ASAP1: variants seen among roughly 807,000 people sequenced by gnomAD.
ASAP1 encodes ArfGAP with SH3 domain, ankyrin repeat and PH domain 1.
A neutral mutation model predicts 145.2 loss-of-function variants in ASAP1; 43 were observed. The observed-to-expected ratio is 0.30, with a 90% confidence interval of 0.23 to 0.38. The LOEUF (loss-of-function observed/expected upper bound fraction) is 0.38. Ranked by LOEUF, ASAP1 falls within the 10% of genes least tolerant of loss-of-function variation. The pLI is 1.00. For missense variants in ASAP1, 1,018 were observed against 1,355.3 expected, an observed-to-expected ratio of 0.75 and a Z score of 3.91; for synonymous variants, 546 against 515.5, an observed-to-expected ratio of 1.06 and a Z score of -0.80.
intron 3 of ASAP1, among the ~76,000 whole-genome samples, chr8:130,296,046 C>A (rs1490180765): frequency 1.3e-5 from 2 of 152,112 alleles, no homozygotes; most frequent in African/African-American, 4.8e-5. Context: ...CCTCTGAAAC[C>A]CCAGCCAAGT....
chr8:130,148,093 G>C (rs2097636924), intron 13 of ASAP1, among the ~76,000 whole-genome samples: 1 of 152,112 alleles, frequency 6.6e-6, no homozygotes, highest in African/African-American at 2.4e-5. Context: ...ATCCCTTACA[G>C]CCCTCTCTAC....
rs765462843 is a variant in ASAP1, at chr8:130,124,118, A to C, written c.1516-14T>G. 87 of 1,562,008 alleles carry C rather than the reference A, an allele frequency of 5.6e-5. No homozygotes were observed. Among genetic ancestry groups the C allele is most frequent in the Non-Finnish European group, 7.2e-5 (83 of 1,146,820 alleles). On this transcript the variant is annotated splice_polypyrimidine_tract_variant and intron_variant, in intron 17 of 29. Transcript: ENST00000518721. ...ATTCTTGGCCAGCTGTAACAGAAAAAACAAACAACCACAATATAGCAAACT... is the reference window on the plus strand; with the variant it reads ...ATTCTTGGCCAGCTGTAACAGAAAACACAAACAACCACAATATAGCAAACT...
chr8:130,058,179 C>A, intron 28 of ASAP1, 103 bp from the exon 29 acceptor site: 1 of 1,293,412 alleles, frequency 7.7e-7, no homozygotes, highest in Non-Finnish European at 1.1e-6. Flanking sequence ...AACTTAACCT[C>A]GCTGAGCCTT....
Position 130,076,329 on chromosome 8 carries a change from T to A in ASAP1, c.2701+19A>T. ...GTGACACTTTAATTACATGTAAATG[T>A]AAAAATGATAGATCTTACCTTTCTG... On this transcript the variant is annotated intron_variant, in intron 27 of 29. Coordinates refer to ENST00000518721, the MANE Select transcript of ASAP1 (RefSeq NM_018482.4). The A allele has an allele frequency of 6.3e-7, 1 of 1,595,644 alleles. No homozygotes were observed.
chr8:130,319,739 T>C (rs1823885368), intron 3 of ASAP1, among the ~76,000 whole-genome samples: 1 of 151,936 alleles, frequency 6.6e-6, no homozygotes, highest in African/African-American at 2.4e-5. Flanking sequence ...AAAACCAACA[T>C]CAGTAACAGG....
intron 29 of ASAP1, 123 bp from the exon 30 acceptor site, chr8:130,054,928 C>A: frequency 1.3e-6 from 1 of 749,982 alleles, no homozygotes; most frequent in South Asian, 1.4e-5. Flanking sequence ...CAGGCTTACC[C>A]TTCTTCCCAC....
chr8:130,120,034 G>A (rs1204674271), intron 18 of ASAP1, among the ~76,000 whole-genome samples: 1 of 152,132 alleles, frequency 6.6e-6, no homozygotes, highest in Non-Finnish European at 1.5e-5. Flanking sequence ...TTCATTTTGG[G>A]TTGGCAGTAA....
intron 25 of ASAP1, among the ~76,000 whole-genome samples, chr8:130,085,861 G>C (rs944852896): frequency 1.3e-4 from 19 of 151,960 alleles, no homozygotes; most frequent in African/African-American, 4.6e-4. Flanking sequence ...TGCCTTAGAA[G>C]TCTCCTGAGA....
At chr8:130,166,539 A>G (rs555106466) in intron 11 of ASAP1, among the ~76,000 whole-genome samples, 1 of 151,918 alleles carries the variant, frequency 6.6e-6, no homozygotes, top group East Asian at 1.9e-4. Flanking sequence ...GGAGTTTTCC[A>G]TCTCTGGGTC....
intron 18 of ASAP1, among the ~76,000 whole-genome samples, chr8:130,122,446 G>A (rs933753910): frequency 6.6e-6 from 1 of 152,196 alleles, no homozygotes; most frequent in Admixed American, 6.5e-5. Flanking sequence ...AATAGTAGTA[G>A]TAGTAAATAC....
At chr8:130,113,730 A>C (rs939704850) in intron 23 of ASAP1, among the ~76,000 whole-genome samples, 4 of 151,742 alleles carry the variant, frequency 2.6e-5, no homozygotes, top group Admixed American at 6.6e-5. Flanking sequence ...TCTCTTTGTA[A>C]GTTTTCTCTT....
intron 4 of ASAP1, among the ~76,000 whole-genome samples, chr8:130,216,600 C>A (rs1395457315): frequency 1.3e-5 from 2 of 152,156 alleles, no homozygotes; most frequent in African/African-American, 4.8e-5. Context: ...CTGACCTCAT[C>A]ATGTTGAGGC....
At chr8:130,234,277 G>T (rs1818081677) in intron 4 of ASAP1, among the ~76,000 whole-genome samples, 1 of 152,046 alleles carries the variant, frequency 6.6e-6, no homozygotes, top group Non-Finnish European at 1.5e-5. Flanking sequence ...TAAAACTGAG[G>T]AACTGAATTT....
intron 5 of ASAP1, among the ~76,000 whole-genome samples, chr8:130,188,863 A>G (rs1323847581): frequency 6.6e-6 from 1 of 152,170 alleles, no homozygotes; most frequent in Non-Finnish European, 1.5e-5. Flanking sequence ...TAGCACTTCC[A>G]TTAACACCTC....
chr8:130,264,001 C>A (rs865796744), intron 3 of ASAP1, among the ~76,000 whole-genome samples: 18 of 152,284 alleles, frequency 1.2e-4, no homozygotes, highest in African/African-American at 4.1e-4. Context: ...TAGGTTCTAG[C>A]CCCTGTTAAA....
At chr8:130,396,453 CT>C (rs2138527044) in intron 2 of ASAP1, among the ~76,000 whole-genome samples, 1 of 152,314 alleles carries the variant, frequency 6.6e-6, no homozygotes, top group Non-Finnish European at 1.5e-5. Flanking sequence ...ACCTTCCTTC[CT>C]TTATGTATTT....
At chr8:130,225,216 C>T (rs72722392) in intron 4 of ASAP1, among the ~76,000 whole-genome samples, 5,299 of 152,260 alleles carry the variant, frequency 0.035, 127 homozygotes, top group Middle Eastern at 0.065. Flanking sequence ...ATTTCTTCCA[C>T]TTGTCTTGTA....
At chr8:130,059,988 G>A (rs2097414440) in intron 28 of ASAP1, among the ~76,000 whole-genome samples, 1 of 148,970 alleles carries the variant, frequency 6.7e-6, no homozygotes, top group African/African-American at 2.5e-5. Flanking sequence ...TGAGGTAAGA[G>A]GATCACCTGA....
At chr8:130,074,412 T>A (rs1221370612) in intron 27 of ASAP1, among the ~76,000 whole-genome samples, 1 of 151,778 alleles carries the variant, frequency 6.6e-6, no homozygotes, top group South Asian at 2.1e-4. Flanking sequence ...TTTCTGTATA[T>A]GTTTATTACG....
Sources: gnomAD v4.1 joint callset for allele counts (sites outside exome capture counted in the v4.1 genomes callset) on GRCh38, gnomAD v4.1.1 for gene constraint, MANE v1.5 for transcripts, NCBI Gene and HGNC (gene_info 2026-07-23, HGNC 2026-07-21) for gene names.